Variants in DNER observed in about 807,000 individuals in gnomAD.
DNER encodes delta/notch like EGF repeat containing, also known as delta and Notch-like epidermal growth factor-related receptor.
Under a neutral mutation model 78.2 loss-of-function variants are expected in DNER, and 33 were observed. The observed-to-expected ratio is 0.42, with a 90% CI of 0.32 to 0.56. The LOEUF (loss-of-function observed/expected upper bound fraction) is 0.56. Among genes scored for constraint, DNER ranks in the 20% least tolerant of loss-of-function variants. The pLI is 0.11. For missense variants in DNER, 918 were observed against 975.3 expected (o/e 0.94, Z 0.78); for synonymous variants, 417 against 384.8 (o/e 1.08, Z -0.98).
Position 229,657,925 on chromosome 2 carries a change from T to A in DNER, c.276+56223A>T, listed in dbSNP as rs546649685. On this transcript the variant is annotated intron_variant, in intron 1 of 12. Transcript: ENST00000341772. ...CAAGGGAATTTCATGATCATTAATT[T>A]AAAAAAAAAACTGGTTCTTCCTTAT... Among the ~76,000 whole-genome samples, 16 of 149,956 alleles carry A rather than the reference T, an allele frequency of 1.1e-4. No individual in the cohort carries two copies. The South Asian group carries it at 2.3e-3, about 22-fold the overall frequency.
chr2:229,473,694 G>A (rs77590744), intron 7 of DNER, among the ~76,000 whole-genome samples: 4,765 of 152,268 alleles, frequency 0.031, 113 homozygotes, highest in Non-Finnish European at 0.052. Context: ...GAAACAAGAT[G>A]AATAAAATAC....
chr2:229,417,037 T>C (rs1034028863), intron 9 of DNER, among the ~76,000 whole-genome samples: 3 of 152,172 alleles, frequency 2.0e-5, no homozygotes, highest in African/African-American at 7.2e-5. Flanking sequence ...GCACATCTGC[T>C]GTTGTGTCCT....
At position 229,501,234 on chromosome 2, in the gene DNER, C is replaced by G. The variant is rs368418146; in HGVS notation, c.1147+11549G>C. Among the ~76,000 whole-genome samples the G allele has an allele frequency of 1.7e-4, 25 of 151,378 alleles. 1 individual carries two copies. The South Asian group carries it at 5.0e-3, about 30-fold the overall frequency. On this transcript the variant is annotated intron_variant, in intron 6 of 12. Coordinates refer to ENST00000341772, the MANE Select transcript of DNER (RefSeq NM_139072.4). ...CTTCCAGAGATCTATTGTACAACAC[C>G]GTGACTATAGTTAGTCACAATGTAT...
chr2:229,548,760 C>A (rs1309098643), intron 4 of DNER, among the ~76,000 whole-genome samples: 1 of 151,926 alleles, frequency 6.6e-6, no homozygotes, highest in Non-Finnish European at 1.5e-5. Flanking sequence ...ATATAAAAAA[C>A]AAACAAACAA....
At chr2:229,562,563 T>C (rs1319011623) in intron 4 of DNER, among the ~76,000 whole-genome samples, 2 of 152,172 alleles carry the variant, frequency 1.3e-5, no homozygotes, top group Admixed American at 6.5e-5. Flanking sequence ...TAATTCCAAA[T>C]GGATGCTTCC....
chr2:229,449,894 G>A (rs926612069), intron 7 of DNER, among the ~76,000 whole-genome samples: 1 of 152,138 alleles, frequency 6.6e-6, no homozygotes, highest in African/African-American at 2.4e-5. Context: ...CGATTCTCCT[G>A]CCTCAGCCTC....
chr2:229,572,112 T>C (rs1697228588), intron 4 of DNER, among the ~76,000 whole-genome samples: 1 of 152,172 alleles, frequency 6.6e-6, no homozygotes, highest in Non-Finnish European at 1.5e-5. Flanking sequence ...AATTGTCCTA[T>C]TATTTCTAAA....
At chr2:229,510,218 G>A (rs1420737922) in intron 6 of DNER, among the ~76,000 whole-genome samples, 1 of 152,238 alleles carries the variant, frequency 6.6e-6, no homozygotes, top group African/African-American at 2.4e-5. Flanking sequence ...ATATCCTGGT[G>A]CAGAATGAGG....
intron 1 of DNER, among the ~76,000 whole-genome samples, chr2:229,611,127 A>G (rs1698037308): frequency 6.6e-6 from 1 of 152,256 alleles, no homozygotes; most frequent in Admixed American, 6.5e-5. Flanking sequence ...GAGCAGCTGT[A>G]TAGTGCCCCA....
intron 1 of DNER, among the ~76,000 whole-genome samples, chr2:229,713,320 C>T (rs1354230203): frequency 6.6e-6 from 1 of 152,180 alleles, no homozygotes; most frequent in Non-Finnish European, 1.5e-5. Flanking sequence ...TATTTTCTGC[C>T]AAATTCTCCT....
At chr2:229,483,652 T>A (rs369744313) in intron 6 of DNER, among the ~76,000 whole-genome samples, 3 of 152,252 alleles carry the variant, frequency 2.0e-5, no homozygotes, top group Admixed American at 6.5e-5. Flanking sequence ...CAAATAGTCT[T>A]CTCTGTGCCC....
chr2:229,550,530 A>G (rs1454105717), intron 4 of DNER, among the ~76,000 whole-genome samples: 2 of 152,040 alleles, frequency 1.3e-5, no homozygotes, highest in Non-Finnish European at 2.9e-5. Context: ...TAATCTCAGC[A>G]CTTTTGGAGG....
intron 4 of DNER, among the ~76,000 whole-genome samples, chr2:229,574,382 G>A (rs888645707): frequency 4.6e-5 from 7 of 152,076 alleles, no homozygotes; most frequent in Non-Finnish European, 1.0e-4. Context: ...ATAAATTATA[G>A]TACATTGATT....
intron 1 of DNER, among the ~76,000 whole-genome samples, chr2:229,604,591 A>T (rs1337144321): frequency 6.6e-6 from 1 of 152,174 alleles, no homozygotes; most frequent in Non-Finnish European, 1.5e-5. Flanking sequence ...GCCAAGTGCC[A>T]AGTGTTCTTG....
intron 9 of DNER, among the ~76,000 whole-genome samples, chr2:229,416,176 C>T (rs923491871): frequency 2.6e-5 from 4 of 152,212 alleles, no homozygotes; most frequent in South Asian, 2.1e-4. Context: ...TCTTTTCACT[C>T]GTGGTTTCCA....
intron 1 of DNER, among the ~76,000 whole-genome samples, chr2:229,598,213 A>G (rs2396694): frequency 0.36 from 55,164 of 151,820 alleles, 10,132 homozygotes; most frequent in East Asian, 0.5. Flanking sequence ...CTGGGGAGAC[A>G]CAGAGGTGAC....
intron 1 of DNER, among the ~76,000 whole-genome samples, chr2:229,645,000 A>G (rs1351652644): frequency 6.6e-6 from 1 of 151,786 alleles, no homozygotes; most frequent in African/African-American, 2.4e-5. Context: ...AAGCCATGGC[A>G]TTAGTGCCTT....
At chr2:229,437,895 G>A (rs530983571) in intron 8 of DNER, among the ~76,000 whole-genome samples, 40 of 152,298 alleles carry the variant, frequency 2.6e-4, no homozygotes, top group South Asian at 4.1e-4. Context: ...AAGAAAAATT[G>A]CTAGTAGGCA....
At chr2:229,377,742 G>A (rs207655) in intron 11 of DNER, among the ~76,000 whole-genome samples, 4,313 of 152,210 alleles carry the variant, frequency 0.028, 202 homozygotes, top group African/African-American at 0.098. Context: ...AGGGTGATGC[G>A]TTAACAGATA....
Sources: gnomAD v4.1 joint callset for allele counts (sites outside exome capture counted in the v4.1 genomes callset) on GRCh38, gnomAD v4.1.1 for gene constraint, MANE v1.5 for transcripts, NCBI Gene and HGNC (gene_info 2026-07-23, HGNC 2026-07-21) for gene names.